The following LRMDA variants were observed in gnomAD, a reference collection of about 807,000 sequenced individuals.
The protein encoded by LRMDA is leucine rich melanocyte differentiation associated, also known as leucine-rich melanocyte differentiation-associated protein.
In LRMDA, 18 loss-of-function variants were observed where a neutral mutation model predicts 29.8. The observed-to-expected ratio is 0.60, with a 90% CI of 0.42 to 0.90. The LOEUF (loss-of-function observed/expected upper bound fraction) is 0.90, where lower values mean the gene tolerates loss of function less well. LRMDA is among the 40% of genes least tolerant of loss of function. The pLI is 0.00. For synonymous variants in LRMDA, 125 were observed against 109.4 expected, an observed-to-expected ratio of 1.14 and a Z score of -0.89; for missense variants, 273 against 273.9, an observed-to-expected ratio of 1.00 and a Z score of 0.02.
chr10:76,136,216 G>A (rs1262068338), intron 5 of LRMDA, among the ~76,000 whole-genome samples: 1 of 152,128 alleles, frequency 6.6e-6, no homozygotes, highest in East Asian at 1.9e-4. Context: ...GGACACAAAA[G>A]TTTTAGCAAA....
At chr10:76,434,325 C>G (rs1029926730) in intron 6 of LRMDA, among the ~76,000 whole-genome samples, 2 of 149,752 alleles carry the variant, frequency 1.3e-5, no homozygotes, top group South Asian at 4.2e-4. Context: ...TTCTTATTTA[C>G]TCTCTCTCTC....
At chr10:76,182,948 T>C (rs538410620) in intron 5 of LRMDA, among the ~76,000 whole-genome samples, 7 of 152,274 alleles carry the variant, frequency 4.6e-5, no homozygotes, top group African/African-American at 1.4e-4. Context: ...ATGAGTTGAC[T>C]GGGGCAGCAA....
chr10:76,329,528 T>C (rs917581496), intron 6 of LRMDA, among the ~76,000 whole-genome samples: 1 of 152,250 alleles, frequency 6.6e-6, no homozygotes, highest in Non-Finnish European at 1.5e-5. Context: ...GGAAATTTGC[T>C]GTGAAACTTG....
chr10:76,104,908 A>T (rs1304206689), intron 5 of LRMDA, among the ~76,000 whole-genome samples: 1 of 151,936 alleles, frequency 6.6e-6, no homozygotes. Flanking sequence ...TACTGGCTCC[A>T]TTGCTGTTTC....
chr10:76,210,299 C>T (rs1037469994), intron 5 of LRMDA, among the ~76,000 whole-genome samples: 5 of 152,098 alleles, frequency 3.3e-5, no homozygotes, highest in African/African-American at 4.8e-5. Context: ...AGGCAGTCCT[C>T]GAGCTAAATA....
At chr10:76,348,384 C>T (rs1239162590) in intron 6 of LRMDA, among the ~76,000 whole-genome samples, 1 of 152,204 alleles carries the variant, frequency 6.6e-6, no homozygotes, top group Non-Finnish European at 1.5e-5. Context: ...CTCAAGCCTA[C>T]ATAAGAATCT....
intron 6 of LRMDA, among the ~76,000 whole-genome samples, chr10:76,340,683 A>T (rs1841030139): frequency 6.6e-6 from 1 of 152,094 alleles, no homozygotes; most frequent in African/African-American, 2.4e-5. Flanking sequence ...AGAGGGATTT[A>T]AAAAATTTCC....
chr10:75,736,267 T>G (rs539597998), intron 2 of LRMDA, among the ~76,000 whole-genome samples: 1 of 152,322 alleles, frequency 6.6e-6, no homozygotes, highest in African/African-American at 2.4e-5. Context: ...CATTACCTCT[T>G]AGGTCAGTGG....
At chr10:75,828,051 G>T (rs1844276502) in intron 2 of LRMDA, among the ~76,000 whole-genome samples, 1 of 152,152 alleles carries the variant, frequency 6.6e-6, no homozygotes, top group African/African-American at 2.4e-5. Flanking sequence ...GCTTTTAAAT[G>T]TAGTCTTGGG....
chr10:75,865,597 C>T (rs998130200), intron 2 of LRMDA, among the ~76,000 whole-genome samples: 1 of 152,142 alleles, frequency 6.6e-6, no homozygotes, highest in South Asian at 2.1e-4. Context: ...TTCTGAATCA[C>T]TGGAGGTTTA....
At chr10:75,639,894 C>T (rs998366926) in intron 2 of LRMDA, among the ~76,000 whole-genome samples, 7 of 152,154 alleles carry the variant, frequency 4.6e-5, no homozygotes, top group Admixed American at 1.3e-4. Context: ...TTGAGGAGCA[C>T]GGCACTGCAT....
At chr10:75,517,738 T>C (rs1304675670) in intron 2 of LRMDA, among the ~76,000 whole-genome samples, 1 of 152,214 alleles carries the variant, frequency 6.6e-6, no homozygotes, top group Non-Finnish European at 1.5e-5. Flanking sequence ...TAACACTGTG[T>C]TGAATAGGAG....
chr10:75,484,052 C>T (rs1380151957), intron 2 of LRMDA, among the ~76,000 whole-genome samples: 1 of 152,030 alleles, frequency 6.6e-6, no homozygotes, highest in African/African-American at 2.4e-5. Context: ...GCTTCATGGG[C>T]TTAAGCAATC....
At chr10:75,880,325 G>T (rs1845273111) in intron 2 of LRMDA, among the ~76,000 whole-genome samples, 1 of 152,192 alleles carries the variant, frequency 6.6e-6, no homozygotes, top group East Asian at 1.9e-4. Flanking sequence ...GGTAGTAAAA[G>T]GAGGTGATAT....
intron 6 of LRMDA, among the ~76,000 whole-genome samples, chr10:76,384,355 G>A (rs1841634212): frequency 6.6e-6 from 1 of 152,186 alleles, no homozygotes; most frequent in Non-Finnish European, 1.5e-5. Context: ...ACAGATGTCA[G>A]AGAAGTTTCG....
intron 5 of LRMDA, among the ~76,000 whole-genome samples, chr10:76,267,555 A>G (rs905593994): frequency 6.6e-6 from 1 of 152,188 alleles, no homozygotes; most frequent in African/African-American, 2.4e-5. Flanking sequence ...GCTTCATGTA[A>G]GTGGAATCAT....
Position 76,469,454 on chromosome 10 carries a change from G to T in LRMDA, c.602-87755G>T, listed in dbSNP as rs183854046. Among the ~76,000 whole-genome samples the T allele has an allele frequency of 1.9e-4, 29 of 152,158 alleles. No homozygotes were observed. The East Asian group carries it at 4.9e-3, about 26-fold the overall frequency. ...CTCATCATTCTTGCTCAAGAATGAT[G>T]GGGTGGAGGGTCCACACTGGGAGAG... On this transcript the variant is annotated intron_variant, in intron 6 of 6. Coordinates refer to ENST00000611255, the MANE Select transcript of LRMDA (RefSeq NM_001305581.2).
intron 6 of LRMDA, among the ~76,000 whole-genome samples, chr10:76,441,954 C>T (rs1423148018): frequency 6.6e-6 from 1 of 152,170 alleles, no homozygotes; most frequent in African/African-American, 2.4e-5. Flanking sequence ...TCTGCCACCT[C>T]GTCTCTCTGC....
chr10:75,709,217 C>G lies in LRMDA; in HGVS notation c.131+270723C>G, dbSNP rs74574424. On this transcript the variant is annotated intron_variant, in intron 2 of 6. Coordinates refer to ENST00000611255, the MANE Select transcript of LRMDA (RefSeq NM_001305581.2). Reference sequence around the variant, plus strand: ...AAAAAAGGTTTTCCCCAGTTATTTTCTGTGAAATTAAATTTTTAAAGAGAC... The same window carrying G: ...AAAAAAGGTTTTCCCCAGTTATTTTGTGTGAAATTAAATTTTTAAAGAGAC... Among the ~76,000 whole-genome samples, 230 of 152,094 alleles carry G rather than the reference C, an allele frequency of 1.5e-3. 2 individuals carry two copies. Among genetic ancestry groups the G allele is most frequent in the African/African-American group, 5.4e-3 (224 of 41,454 alleles).
Sources: gnomAD v4.1 joint callset for allele counts (sites outside exome capture counted in the v4.1 genomes callset) on GRCh38, gnomAD v4.1.1 for gene constraint, MANE v1.5 for transcripts, NCBI Gene and HGNC (gene_info 2026-07-23, HGNC 2026-07-21) for gene names.